Variants in ANKRD66 observed in about 807,000 individuals in gnomAD.
ANKRD66 encodes ankyrin repeat domain-containing protein 66.
Under a neutral mutation model 10.9 loss-of-function variants are expected in ANKRD66, and 10 were observed. That is an observed-to-expected ratio of 0.91 (90% CI 0.56 to 1.55). ANKRD66 has a LOEUF of 1.55. Ranked by LOEUF, ANKRD66 falls within the 40% of genes most tolerant of loss-of-function variation. The probability of loss-of-function intolerance (pLI) is 0.00; values close to 1 mark genes in which losing one functional copy is unlikely to be tolerated. For missense variants in ANKRD66, 252 were observed against 242.9 expected (o/e 1.04, Z -0.25); for synonymous variants, 85 against 88.4 (o/e 0.96, Z 0.22).
chr6:46,755,748 G>T (rs969170521), intron 4 of ANKRD66, among the ~76,000 whole-genome samples: 1 of 151,908 alleles, frequency 6.6e-6, no homozygotes, highest in Non-Finnish European at 1.5e-5. Context: ...TCTGAATTGC[G>T]CTGTGTCTTT....
chr6:46,753,531 G>A (rs556204594), intron 3 of ANKRD66, among the ~76,000 whole-genome samples, 191 bp from the exon 4 acceptor site: 3 of 152,284 alleles, frequency 2.0e-5, no homozygotes, highest in African/African-American at 7.2e-5. Flanking sequence ...AACAAGGTTC[G>A]TGGGGTGAGG....
At chr6:46,758,657 G>A in intron 4 of ANKRD66, 66 bp from the exon 5 acceptor site, 1 of 1,435,478 alleles carries the variant, frequency 7.0e-7, no homozygotes, top group Non-Finnish European at 9.2e-7. Context: ...TGTGAATAAA[G>A]GCCGATTCCC....
At chr6:46,750,413 T>C (rs989894959) in intron 2 of ANKRD66, among the ~76,000 whole-genome samples, 4 of 152,048 alleles carry the variant, frequency 2.6e-5, no homozygotes, top group Non-Finnish European at 5.9e-5. Context: ...CCAAAACAAG[T>C]GTGACTAGTC....
At chr6:46,750,544 C>G (rs186678410) in intron 2 of ANKRD66, among the ~76,000 whole-genome samples, 142 of 150,902 alleles carry the variant, frequency 9.4e-4, no homozygotes, top group African/African-American at 3.2e-3. Context: ...TAAAGACAAT[C>G]TGGTTATACA....
intron 4 of ANKRD66, chr6:46,756,349 T>C (rs1187162582): frequency 1.3e-5 from 2 of 159,706 alleles, no homozygotes; most frequent in African/African-American, 4.8e-5. Context: ...AAATTTGGAA[T>C]GTAATAGATT....
At chr6:46,755,223 C>T (rs1166148723) in intron 4 of ANKRD66, among the ~76,000 whole-genome samples, 1 of 152,194 alleles carries the variant, frequency 6.6e-6, no homozygotes, top group Non-Finnish European at 1.5e-5. Flanking sequence ...GAATTCCCAA[C>T]CTTAGATGAA....
chr6:46,755,962 G>C, intron 4 of ANKRD66: 1 of 300,512 alleles, frequency 3.3e-6, no homozygotes, highest in South Asian at 3.1e-5. Context: ...AAAGTGTACA[G>C]TTCATCAGTG....
chr6:46,754,460 G>A (rs574476182), intron 4 of ANKRD66, among the ~76,000 whole-genome samples: 27 of 151,928 alleles, frequency 1.8e-4, no homozygotes, highest in Middle Eastern at 3.4e-3. Context: ...TATTTTTTTC[G>A]CTCAGCCAAG....
In ANKRD66 at chr6:46,759,419, G is replaced by C. The variant is rs530285978; in HGVS notation, c.*498G>C. 6.6e-6 allele frequency: 1 copy of C among 152,346 alleles called. No homozygotes were observed. Among genetic ancestry groups the C allele is most frequent in the Admixed American group, 6.5e-5 (1 of 15,298 alleles). The allele number at this position is 152,346 out of a possible 1,614,324, so 9.4% of individuals were successfully genotyped here. A position where few individuals can be genotyped will look rare whatever the true frequency, so the allele number is the denominator to read the frequency against. On this transcript the variant is annotated 3_prime_UTR_variant, in exon 5 of 5. Coordinates refer to ENST00000565422, the MANE Select transcript of ANKRD66 (RefSeq NM_001162435.3). ...AACACTTAGTACAAAAATATAAAAT[G>C]TCTCCTTAATAATACTTAATATTGA...
At chr6:46,750,082 A>T (rs1373430766) in intron 2 of ANKRD66, 103 bp downstream of exon 2, 3 of 633,498 alleles carry the variant, frequency 4.7e-6, no homozygotes, top group Non-Finnish European at 8.6e-6. Flanking sequence ...GCTCCTTCTT[A>T]TGATCCCAAC....
intron 4 of ANKRD66, 80 bp downstream of exon 4, chr6:46,754,030 C>A: frequency 1.6e-6 from 2 of 1,233,280 alleles, no homozygotes; most frequent in Non-Finnish European, 1.1e-6. Context: ...ATTCTGTGGT[C>A]TCAGGTCAAT....
chr6:46,750,676 A>G (rs2150726386), intron 2 of ANKRD66, among the ~76,000 whole-genome samples: 1 of 148,694 alleles, frequency 6.7e-6, no homozygotes, highest in African/African-American at 2.4e-5. Context: ...ATATACACAT[A>G]TACACATGTA....
At chr6:46,758,548 A>G (rs892551559) in intron 4 of ANKRD66, 175 bp from the exon 5 acceptor site, 13 of 499,426 alleles carry the variant, frequency 2.6e-5, no homozygotes, top group Admixed American at 3.6e-5. Context: ...TCCACCTCCA[A>G]GTAGTTTCTT....
At chr6:46,748,785 TC>T (rs1766198557) in intron 1 of ANKRD66, among the ~76,000 whole-genome samples, 1 of 152,170 alleles carries the variant, frequency 6.6e-6, no homozygotes, top group Non-Finnish European at 1.5e-5. Flanking sequence ...CCTTACTCCC[TC>T]CTCAGCTCTC....
At chr6:46,755,459 T>C (rs1442436516) in intron 4 of ANKRD66, among the ~76,000 whole-genome samples, 1 of 152,200 alleles carries the variant, frequency 6.6e-6, no homozygotes. Context: ...AGCCATGGGT[T>C]ACACATTTTT....
Position 46,758,718 on chromosome 6 carries a change from C to T in ANKRD66, c.393-5C>T. 1 of 1,543,490 alleles carries T rather than the reference C, an allele frequency of 6.5e-7. No homozygotes were observed. The highest frequency in any genetic ancestry group is 8.7e-7 in the Non-Finnish European group (1 of 1,144,646). The stretch of plus-strand genomic sequence containing the variant: ...AAGTTCAGAAGGCTCTCTCTTCTTT[C>T]CTAGGGCAGAGCCCGAGTGCCAGGA... On this transcript the variant is annotated splice_region_variant and splice_polypyrimidine_tract_variant and intron_variant, in intron 4 of 4. Transcript: ENST00000565422.
In ANKRD66 at chr6:46,749,973, AGATTCTGTAAGTCTG is replaced by A. The variant is rs1186400629; in HGVS notation, c.-17_-13+10del. ...TGGCCGGACCCCTGCCCAGAGTTTCAGATTCTGTAAGTCTGGGGCTGAGCACAATAATTTGCATTT... is the reference window on the plus strand; with the variant it reads ...TGGCCGGACCCCTGCCCAGAGTTTCAGGGCTGAGCACAATAATTTGCATTT... On this transcript the variant is annotated splice_donor_variant and splice_donor_5th_base_variant and 5_prime_UTR_variant and intron_variant, in exon 2 of 5. Coordinates refer to ENST00000565422, the MANE Select transcript of ANKRD66 (RefSeq NM_001162435.3). LOFTEE classifies it low-confidence loss of function (5UTR_SPLICE). 6.9e-7 allele frequency: 1 copy of A among 1,439,532 alleles called. No individual in the cohort carries two copies. The highest frequency in any genetic ancestry group is 9.6e-7 in the Non-Finnish European group (1 of 1,045,200). The allele number at this position is 1,439,532 out of a possible 1,614,324, so 89.2% of individuals were successfully genotyped here.
chr6:46,756,236 G>C (rs1458345512), intron 4 of ANKRD66: 1 of 235,272 alleles, frequency 4.3e-6, no homozygotes, highest in East Asian at 1.3e-4. Flanking sequence ...AATTGAGTAG[G>C]TTTTAAATGT....
intron 2 of ANKRD66, among the ~76,000 whole-genome samples, chr6:46,751,155 C>T (rs1766261067): frequency 6.6e-6 from 1 of 152,068 alleles, no homozygotes; most frequent in Admixed American, 6.6e-5. Context: ...GGCATGATTC[C>T]AGGTCCAGTT....
Sources: gnomAD v4.1 joint callset for allele counts (sites outside exome capture counted in the v4.1 genomes callset) on GRCh38, gnomAD v4.1.1 for gene constraint, MANE v1.5 for transcripts, NCBI Gene and HGNC (gene_info 2026-07-23, HGNC 2026-07-21) for gene names.